Variants in NT5C3A observed in about 807,000 individuals in gnomAD.
The protein encoded by NT5C3A is cytosolic 5'-nucleotidase 3A.
A neutral mutation model predicts 40.0 loss-of-function variants in NT5C3A; 23 were observed. The observed-to-expected ratio is 0.58, with a 90% confidence interval of 0.41 to 0.81. The LOEUF (loss-of-function observed/expected upper bound fraction) is 0.81. NT5C3A is among the 40% of genes least tolerant of loss of function. The pLI is 0.00. For synonymous variants in NT5C3A, 130 were observed against 141.4 expected (o/e 0.92, Z 0.57); for missense variants, 328 against 403.0 (o/e 0.81, Z 1.59).
chr7:33,049,854 C>A (rs1787296084), intron 1 of NT5C3A, among the ~76,000 whole-genome samples: 1 of 150,496 alleles, frequency 6.6e-6, no homozygotes, highest in African/African-American at 2.4e-5. Flanking sequence ...ACTGTAGTCC[C>A]AGCTATTTGG....
chr7:33,037,133 GAT>G (rs1786651169), intron 1 of NT5C3A, among the ~76,000 whole-genome samples: 3 of 152,146 alleles, frequency 2.0e-5, no homozygotes, highest in African/African-American at 7.2e-5. Flanking sequence ...TTTTTAATAT[GAT>G]ATGACTAAGA....
chr7:33,041,346 G>C (rs756386363), intron 1 of NT5C3A, among the ~76,000 whole-genome samples: 5 of 152,216 alleles, frequency 3.3e-5, no homozygotes, highest in Non-Finnish European at 5.9e-5. Flanking sequence ...TCAATGGATA[G>C]AGTTTCAGTT....
At chr7:33,061,562 A>C (rs1171143282) in intron 1 of NT5C3A, among the ~76,000 whole-genome samples, 2 of 152,222 alleles carry the variant, frequency 1.3e-5, no homozygotes, top group Non-Finnish European at 2.9e-5. Context: ...ATCTGTATTC[A>C]ACCTGGGGTC....
At chr7:33,059,300 C>T (rs1787692685) in intron 1 of NT5C3A, among the ~76,000 whole-genome samples, 1 of 152,180 alleles carries the variant, frequency 6.6e-6, no homozygotes, top group South Asian at 2.1e-4. Flanking sequence ...CTTTTCTAAG[C>T]ACTTTAAATA....
chr7:33,046,309 G>A (rs1787149020), intron 1 of NT5C3A, among the ~76,000 whole-genome samples: 1 of 152,146 alleles, frequency 6.6e-6, no homozygotes. Context: ...AGTCGAGGTA[G>A]AAGGATTGCT....
intron 1 of NT5C3A, among the ~76,000 whole-genome samples, chr7:33,053,700 G>A (rs1409116919): frequency 6.6e-6 from 1 of 151,834 alleles, no homozygotes; most frequent in Non-Finnish European, 1.5e-5. Flanking sequence ...AAGAAAGAAA[G>A]AAGTAATGGC....
At chr7:33,051,293 A>G (rs1267707488) in intron 1 of NT5C3A, among the ~76,000 whole-genome samples, 2 of 151,938 alleles carry the variant, frequency 1.3e-5, no homozygotes, top group Admixed American at 1.3e-4. Flanking sequence ...CCTCTTGGGT[A>G]GCAGGGATTA....
Position 33,026,825 on chromosome 7 carries a change from T to G in NT5C3A, c.229A>C (p.Lys77Gln). Residue 77 changes from lysine to glutamine, a missense_variant, in exon 2 of 9, where the codon AAA becomes CAA. Coordinates refer to ENST00000610140, the MANE Select transcript of NT5C3A (RefSeq NM_001002010.5). ...TCTTGATAATTATTCACCTGAAGTT[T>G]GGCAGCTCCTCCTTTGATAAGACCA... ...ICGLIKGGAA[K>Q]LQIITDFDMT... 6.2e-7 allele frequency: 1 copy of G among 1,607,124 alleles called. No individual in the cohort carries two copies. Among genetic ancestry groups the G allele is most frequent in the South Asian group, 1.1e-5 (1 of 90,938 alleles).
intron 1 of NT5C3A, among the ~76,000 whole-genome samples, chr7:33,040,117 T>G (rs1786840908): frequency 6.6e-6 from 1 of 152,064 alleles, no homozygotes; most frequent in Admixed American, 6.6e-5. Flanking sequence ...ACAGCATAGG[T>G]GACAAGCACT....
At chr7:33,030,310 C>A (rs924219183) in intron 1 of NT5C3A, among the ~76,000 whole-genome samples, 2 of 152,138 alleles carry the variant, frequency 1.3e-5, no homozygotes, top group African/African-American at 4.8e-5. Context: ...CATGCCCCAA[C>A]TGTTGCATGA....
chr7:33,026,697 T>G (rs1785960486), intron 2 of NT5C3A, 120 bp downstream of exon 2: 1 of 708,454 alleles, frequency 1.4e-6, no homozygotes, highest in African/African-American at 1.8e-5. Flanking sequence ...TCTCACTATG[T>G]TGCCCAGGCT....
intron 1 of NT5C3A, among the ~76,000 whole-genome samples, chr7:33,031,738 C>T (rs1786271857): frequency 6.6e-6 from 1 of 151,986 alleles, no homozygotes; most frequent in Non-Finnish European, 1.5e-5. Flanking sequence ...GAAAACAATT[C>T]ATATTTTAAC....
At chr7:33,051,830 T>C (rs760635711) in intron 1 of NT5C3A, among the ~76,000 whole-genome samples, 2 of 152,162 alleles carry the variant, frequency 1.3e-5, no homozygotes, top group Non-Finnish European at 2.9e-5. Context: ...AGCAAATAAA[T>C]TGCAAATATC....
At chr7:33,052,106 A>C (rs1395098907) in intron 1 of NT5C3A, among the ~76,000 whole-genome samples, 1 of 152,136 alleles carries the variant, frequency 6.6e-6, no homozygotes, top group Non-Finnish European at 1.5e-5. Flanking sequence ...CAATGACATA[A>C]GGATATACAT....
chr7:33,018,565 C>T (rs1295998891), intron 6 of NT5C3A, among the ~76,000 whole-genome samples: 1 of 152,148 alleles, frequency 6.6e-6, no homozygotes, highest in Non-Finnish European at 1.5e-5. Context: ...TAAACAGGCT[C>T]TTGGGCCGGG....
At chr7:33,058,681 G>A (rs1787664121) in intron 1 of NT5C3A, among the ~76,000 whole-genome samples, 4 of 152,178 alleles carry the variant, frequency 2.6e-5, no homozygotes, top group African/African-American at 9.6e-5. Flanking sequence ...GAAAGACAGA[G>A]ATGTTCCGTA....
At chr7:33,027,324 C>T (rs1335366689) in intron 1 of NT5C3A, among the ~76,000 whole-genome samples, 1 of 152,200 alleles carries the variant, frequency 6.6e-6, no homozygotes, top group East Asian at 1.9e-4. Flanking sequence ...CCCATCTTGG[C>T]CTTCCAAAGT....
intron 1 of NT5C3A, among the ~76,000 whole-genome samples, chr7:33,051,525 C>G (rs1359481815): frequency 6.6e-6 from 1 of 152,084 alleles, no homozygotes; most frequent in Admixed American, 6.6e-5. Flanking sequence ...ATAAAATACA[C>G]AGGAACATTC....
intron 7 of NT5C3A, among the ~76,000 whole-genome samples, chr7:33,016,430 G>A (rs1785332826): frequency 6.6e-6 from 1 of 151,648 alleles, no homozygotes. Flanking sequence ...CCAGCACTTT[G>A]GGAGGCCAAG....
Sources: allele counts gnomAD v4.1 joint callset (sites outside exome capture counted in the v4.1 genomes callset), GRCh38; gene constraint gnomAD v4.1.1; transcripts MANE v1.5; gene names NCBI Gene and HGNC (gene_info 2026-07-23, HGNC 2026-07-21).